The following RYR2 variants were observed in gnomAD, a reference collection of about 807,000 sequenced individuals.
RYR2 encodes ryanodine receptor 2, also known as cardiac muscle ryanodine receptor-calcium release channel.
In RYR2, 227 loss-of-function variants were observed where a neutral mutation model predicts 601.1. The observed-to-expected ratio is 0.38, with a 90% confidence interval of 0.34 to 0.42. RYR2 has a LOEUF of 0.42. Among genes scored for constraint, RYR2 ranks in the 10% least tolerant of loss-of-function variants. The pLI is 1.00. For synonymous variants in RYR2, 2,223 were observed against 2,175.1 expected, an observed-to-expected ratio of 1.02 and a Z score of -0.61; for missense variants, 4,646 against 6,156.5, an observed-to-expected ratio of 0.75 and a Z score of 8.21.
At chr1:237,285,837 T>C (rs1007222610) in intron 2 of RYR2, among the ~76,000 whole-genome samples, 6 of 152,194 alleles carry the variant, frequency 3.9e-5, no homozygotes, top group African/African-American at 1.2e-4. Context: ...CAGCCTTGAA[T>C]GATCTTTTGT....
At chr1:237,394,476 A>G (rs975757543) in intron 10 of RYR2, among the ~76,000 whole-genome samples, 3 of 152,194 alleles carry the variant, frequency 2.0e-5, no homozygotes, top group African/African-American at 7.2e-5. Context: ...GTACTTCTTG[A>G]TTTGTTACTA....
chr1:237,664,384 G>A (rs564524406), intron 56 of RYR2, among the ~76,000 whole-genome samples: 40 of 152,262 alleles, frequency 2.6e-4, no homozygotes, highest in African/African-American at 9.1e-4. Flanking sequence ...CATTCTAATG[G>A]GGGAAATAAA....
chr1:237,238,193 C>T (rs1261314151), intron 1 of RYR2, among the ~76,000 whole-genome samples: 2 of 151,990 alleles, frequency 1.3e-5, no homozygotes, highest in Non-Finnish European at 2.9e-5. Flanking sequence ...TGGTCTTGAA[C>T]TCTTGGGCTC....
At chr1:237,353,468 C>T (rs978162129) in intron 3 of RYR2, among the ~76,000 whole-genome samples, 6 of 145,866 alleles carry the variant, frequency 4.1e-5, no homozygotes, top group Non-Finnish European at 3.0e-5. Context: ...GAGATTTCAC[C>T]ACTGCATTCC....
chr1:237,505,611 T>A (rs755447233), intron 22 of RYR2, among the ~76,000 whole-genome samples: 15 of 152,216 alleles, frequency 9.9e-5, no homozygotes, highest in Non-Finnish European at 1.8e-4. Context: ...AAAAAAGATT[T>A]GGGAGACTAG....
intron 46 of RYR2, 116 bp from the exon 47 acceptor site, chr1:237,640,781 C>T (rs1410769971): frequency 3.8e-6 from 3 of 787,378 alleles, no homozygotes; most frequent in Middle Eastern, 3.3e-4. Flanking sequence ...ATATATGAAA[C>T]ATATCAGAAA....
At chr1:237,740,983 A>G (rs753420459) in intron 79 of RYR2, among the ~76,000 whole-genome samples, 4 of 152,170 alleles carry the variant, frequency 2.6e-5, no homozygotes, top group African/African-American at 9.7e-5. Context: ...GACTAATAAC[A>G]TGGGAGACAG....
At chr1:237,319,695 C>A (rs1383874527) in intron 2 of RYR2, among the ~76,000 whole-genome samples, 1 of 152,102 alleles carries the variant, frequency 6.6e-6, no homozygotes, top group East Asian at 1.9e-4. Flanking sequence ...AGTCCTCTAC[C>A]AGCCAACCTG....
chr1:237,796,039 TA>T (rs1326947030), intron 96 of RYR2, among the ~76,000 whole-genome samples: 16 of 151,406 alleles, frequency 1.1e-4, no homozygotes, highest in Admixed American at 2.6e-4. Flanking sequence ...TGTACATATA[TA>T]TTTTTTTACT....
chr1:237,507,616 A>G (rs919631070), intron 23 of RYR2, among the ~76,000 whole-genome samples: 6 of 152,228 alleles, frequency 3.9e-5, no homozygotes, highest in African/African-American at 1.4e-4. Context: ...CTACTCAGTA[A>G]TATTTATATA....
chr1:237,106,274 C>T lies in RYR2; in HGVS notation c.48+63705C>T, dbSNP rs1668672172. Among the ~76,000 whole-genome samples the T allele has an allele frequency of 6.6e-6, 1 of 152,224 alleles. No individual in the cohort carries two copies. Among genetic ancestry groups the T allele is most frequent in the South Asian group, 2.1e-4 (1 of 4,830 alleles). ...GGGGTGGGCAGGGAGAACAGCTCCC[C>T]TGCACCAGCTCCCGCTGGGCTGCAG... On this transcript the variant is annotated intron_variant, in intron 1 of 104. Transcript: ENST00000366574. This position sits in a 1 kb window ranked among gnomAD's most constrained non-coding sequence, Gnocchi z 4.4.
intron 80 of RYR2, among the ~76,000 whole-genome samples, chr1:237,747,230 C>T (rs1295835527): frequency 6.6e-6 from 1 of 152,194 alleles, no homozygotes; most frequent in African/African-American, 2.4e-5. Context: ...GCTGCATCTT[C>T]CTTTTGGCGA....
chr1:237,664,683 A>G (rs1346018620), intron 56 of RYR2, among the ~76,000 whole-genome samples: 1 of 152,208 alleles, frequency 6.6e-6, no homozygotes, highest in African/African-American at 2.4e-5. Context: ...GGGAGCTACA[A>G]TTCAAGAGGA....
intron 54 of RYR2, among the ~76,000 whole-genome samples, chr1:237,658,599 C>T (rs772701094): frequency 6.6e-6 from 1 of 152,104 alleles, no homozygotes; most frequent in Non-Finnish European, 1.5e-5. Context: ...TGCTATGTTG[C>T]CCAGGCTGGT....
chr1:237,219,659 G>T (rs1426038420), intron 1 of RYR2, among the ~76,000 whole-genome samples: 2 of 152,198 alleles, frequency 1.3e-5, no homozygotes, highest in Non-Finnish European at 2.9e-5. Context: ...TAGAAAGGAA[G>T]AAGGAGGGAA....
At chr1:237,721,565 T>C (rs1389880391) in intron 73 of RYR2, among the ~76,000 whole-genome samples, 1 of 152,214 alleles carries the variant, frequency 6.6e-6, no homozygotes, top group Non-Finnish European at 1.5e-5. Flanking sequence ...TCACTCAGAC[T>C]GGAGGGCATT....
rs140860945 is a variant in RYR2, at chr1:237,443,933, T to C, written c.1171-1468T>C. Reference sequence around the variant, plus strand: ...GTCTTTTAAATATTGTATATTAAATTATCTTTTCAATCCTTTTCTAAAGAA... The same window carrying C: ...GTCTTTTAAATATTGTATATTAAATCATCTTTTCAATCCTTTTCTAAAGAA... On this transcript the variant is annotated intron_variant, in intron 13 of 104. Transcript: ENST00000366574. Among the ~76,000 whole-genome samples the C allele has an allele frequency of 6.6e-3, 1,008 of 152,276 alleles. 5 individuals carry two copies. Among genetic ancestry groups the C allele is most frequent in the Middle Eastern group, 0.017 (5 of 294 alleles).
chr1:237,282,837 G>C (rs763617223), intron 2 of RYR2, among the ~76,000 whole-genome samples: 1 of 152,216 alleles, frequency 6.6e-6, no homozygotes, highest in Non-Finnish European at 1.5e-5. Flanking sequence ...CAAAGGCATA[G>C]AGAAGAAGCA....
rs1675469931 is a variant in RYR2 at position 237,593,532 on chromosome 1, C to A, written c.4332C>A (p.Gly1444=). Residue 1444 remains glycine, a synonymous_variant, in exon 33 of 105, where the codon GGC becomes GGA. Transcript: ENST00000366574. ...AAGAACCTGCTAATGTCTGGGTGGGCTGGATTACATCAGATTTCCATCAGT... is the reference window on the plus strand; with the variant it reads ...AAGAACCTGCTAATGTCTGGGTGGGATGGATTACATCAGATTTCCATCAGT... ...PGQEPANVWV[G]WITSDFHQYD... is the part of the protein sequence containing the mutation. 3.7e-6 allele frequency: 6 copies of A among 1,613,692 alleles called. No homozygotes were observed. Among genetic ancestry groups the A allele is most frequent in the Non-Finnish European group, 4.2e-6 (5 of 1,179,824 alleles).
Sources: gnomAD v4.1 joint callset for allele counts (sites outside exome capture counted in the v4.1 genomes callset) on GRCh38, gnomAD v4.1.1 for gene constraint, Gnocchi (gnomAD v3.1) non-coding constraint, MANE v1.5 for transcripts, NCBI Gene and HGNC (gene_info 2026-07-23, HGNC 2026-07-21) for gene names.